Variants in LRRC49 observed in about 807,000 individuals in gnomAD.
The protein encoded by LRRC49 is leucine-rich repeat-containing protein 49.
LRRC49 carries 50 observed loss-of-function variants against 83.3 expected under a neutral mutation model. The ratio of observed to expected loss-of-function variants is 0.60; its 90% CI spans 0.48 to 0.76. The LOEUF is 0.76. Among genes scored for constraint, LRRC49 ranks in the 30% least tolerant of loss-of-function variants. The pLI is 0.00. For missense variants in LRRC49, 704 were observed against 809.1 expected (o/e 0.87, Z 1.58); for synonymous variants, 286 against 283.3 (o/e 1.01, Z -0.10).
At chr15:70,949,909 C>A (rs962037141) in intron 8 of LRRC49, among the ~76,000 whole-genome samples, 8 of 151,964 alleles carry the variant, frequency 5.3e-5, no homozygotes, top group Non-Finnish European at 8.8e-5. Flanking sequence ...GATCCCATTA[C>A]CAAGGTAGTG....
At chr15:70,959,583 AAGGAAGGAAGGAAGG>A (rs1567070860) in intron 8 of LRRC49, among the ~76,000 whole-genome samples, 1 of 130,206 alleles carries the variant, frequency 7.7e-6, no homozygotes, top group Non-Finnish European at 1.6e-5. Context: ...GGAAGGAAGG[AAGGAAGGAAGGAAGG>A]AAGGGAGGGA....
At chr15:70,988,847 C>G (rs1215014137) in intron 11 of LRRC49, among the ~76,000 whole-genome samples, 1 of 152,010 alleles carries the variant, frequency 6.6e-6, no homozygotes, top group Non-Finnish European at 1.5e-5. Context: ...GACAAAATCT[C>G]TCAGCATTTG....
chr15:70,943,902 G>A (rs569592976), intron 8 of LRRC49, among the ~76,000 whole-genome samples: 15 of 152,238 alleles, frequency 9.9e-5, no homozygotes, highest in South Asian at 6.2e-4. Context: ...CCTGAGGGTC[G>A]CCTGACATTC....
chr15:71,016,661 A>T (rs1282333716), intron 14 of LRRC49, among the ~76,000 whole-genome samples: 1 of 152,094 alleles, frequency 6.6e-6, no homozygotes. Context: ...GCCAGATACT[A>T]GATTAACATA....
chr15:70,896,162 G>C (rs191113266), intron 3 of LRRC49, among the ~76,000 whole-genome samples: 1 of 151,944 alleles, frequency 6.6e-6, no homozygotes, highest in African/African-American at 2.4e-5. Flanking sequence ...TTGAGGGTGG[G>C]CTATACACTA....
intron 9 of LRRC49, among the ~76,000 whole-genome samples, chr15:70,979,654 T>C (rs2141220504): frequency 6.6e-6 from 1 of 152,234 alleles, no homozygotes; most frequent in East Asian, 1.9e-4. Context: ...TAATTGGAGT[T>C]TTAAAAGATA....
At chr15:71,014,826 AACTAACATAAGAAAG>A (rs1351960851) in intron 14 of LRRC49, among the ~76,000 whole-genome samples, 1 of 152,228 alleles carries the variant, frequency 6.6e-6, no homozygotes, top group Non-Finnish European at 1.5e-5. Context: ...AGATCAAATC[AACTAACATAAGAAAG>A]ACTATAGAGG....
At chr15:71,038,134 C>G (rs910623835) in intron 15 of LRRC49, among the ~76,000 whole-genome samples, 1 of 152,164 alleles carries the variant, frequency 6.6e-6, no homozygotes, top group African/African-American at 2.4e-5. Flanking sequence ...TGAGGTGATA[C>G]ATCTATATCC....
intron 6 of LRRC49, among the ~76,000 whole-genome samples, chr15:70,915,131 CT>C (rs1438113228): frequency 2.0e-5 from 3 of 152,190 alleles, no homozygotes; most frequent in Non-Finnish European, 4.4e-5. Context: ...ATGCTTGTGA[CT>C]TTGTCCATGG....
chr15:71,019,464 G>A (rs1441624981), intron 14 of LRRC49, among the ~76,000 whole-genome samples: 2 of 152,168 alleles, frequency 1.3e-5, no homozygotes, highest in Admixed American at 1.3e-4. Flanking sequence ...TTGATCCAGA[G>A]GCATTTCAAG....
At chr15:70,992,106 T>C (rs1427037644) in intron 11 of LRRC49, among the ~76,000 whole-genome samples, 1 of 152,262 alleles carries the variant, frequency 6.6e-6, no homozygotes, top group Non-Finnish European at 1.5e-5. Context: ...TTGAATTGGC[T>C]GCTGAAGCTT....
intron 1 of LRRC49, 42 bp downstream of exon 1, chr15:70,892,984 T>G (rs748355377): frequency 6.2e-7 from 1 of 1,603,810 alleles, no homozygotes; most frequent in South Asian, 1.1e-5. Context: ...CCACTGGTAC[T>G]CTTTCTGACT....
At chr15:70,907,046 C>T (rs927951901) in intron 5 of LRRC49, among the ~76,000 whole-genome samples, 114 of 152,180 alleles carry the variant, frequency 7.5e-4, no homozygotes, top group African/African-American at 2.6e-3. Context: ...GGCCTCCAGC[C>T]AGCTGACTTT....
rs1180668090 is a variant in LRRC49, at chr15:70,963,950, G to A, written c.921+18G>A. ...GAATCACGGTGAGAACCCTTCCAAA[G>A]TGTTCACCATGTTGTTGTCCTTAGT... On this transcript the variant is annotated intron_variant, in intron 9 of 15. Transcript: ENST00000260382. The A allele has an allele frequency of 6.2e-7, 1 of 1,609,480 alleles. No homozygotes were observed. The highest frequency in any genetic ancestry group is 1.7e-5 in the Admixed American group (1 of 59,600).
At chr15:70,882,347 CAA>C (rs2033283606) in intron 2 of LRRC49, 1 of 1,054,954 alleles carries the variant, frequency 9.5e-7, no homozygotes, top group Admixed American at 2.3e-5. Context: ...TGCTGATACT[CAA>C]CTGTCAAATT....
chr15:71,028,808 TA>T (rs2039256530), intron 14 of LRRC49, among the ~76,000 whole-genome samples: 1 of 152,150 alleles, frequency 6.6e-6, no homozygotes, highest in Admixed American at 6.6e-5. Flanking sequence ...TATCATTTTT[TA>T]TTGTGTCTAT....
At chr15:71,004,647 T>TAAAAAAAAAAAA (rs35055682) in intron 11 of LRRC49, among the ~76,000 whole-genome samples, 1 of 121,890 alleles carries the variant, frequency 8.2e-6, no homozygotes, top group African/African-American at 3.1e-5. Flanking sequence ...GAAACTGTGT[T>TAAAAAAAAAAAA]AAAAAAAAAA....
chr15:70,947,313 G>T (rs1386727844), intron 8 of LRRC49, among the ~76,000 whole-genome samples: 1 of 152,090 alleles, frequency 6.6e-6, no homozygotes, highest in Non-Finnish European at 1.5e-5. Context: ...TTCATCTAAA[G>T]AATTCAAGTT....
intron 11 of LRRC49, among the ~76,000 whole-genome samples, chr15:70,993,093 C>T (rs116321236): frequency 0.013 from 1,999 of 152,330 alleles, 50 homozygotes; most frequent in African/African-American, 0.046. Context: ...GGTGCCCCTC[C>T]GCAAGCCTCG....
Sources: gnomAD v4.1 joint callset for allele counts (sites outside exome capture counted in the v4.1 genomes callset) on GRCh38, gnomAD v4.1.1 for gene constraint, MANE v1.5 for transcripts, NCBI Gene and HGNC (gene_info 2026-07-23, HGNC 2026-07-21) for gene names.